CREB1: variants seen among roughly 807,000 people sequenced by gnomAD.
CREB1 encodes the protein cyclic AMP-responsive element-binding protein 1.
A neutral mutation model predicts 42.0 loss-of-function variants in CREB1; 2 were observed. The ratio of observed to expected loss-of-function variants is 0.05; its 90% CI spans 0.02 to 0.15. The LOEUF is 0.15. Among genes scored for constraint, CREB1 ranks in the 10% least tolerant of loss-of-function variants. The pLI, the probability that CREB1 is intolerant of heterozygous loss-of-function variation, is 1.00. For synonymous variants in CREB1, 123 were observed against 139.9 expected, an observed-to-expected ratio of 0.88 and a Z score of 0.85; for missense variants, 199 against 388.9, an observed-to-expected ratio of 0.51 and a Z score of 4.11.
intron 1 of CREB1, among the ~76,000 whole-genome samples, chr2:207,553,737 G>A (rs747889123): frequency 1.3e-5 from 2 of 152,046 alleles, no homozygotes; most frequent in South Asian, 2.1e-4. Context: ...CCATTCTCAT[G>A]GGAAGAAAGA....
chr2:207,599,695 CT>C lies in CREB1; in HGVS notation c.*2644del. 5.1e-6 allele frequency: 1 copy of C among 195,902 alleles called. No individual in the cohort carries two copies. Among genetic ancestry groups the C allele is most frequent in the Non-Finnish European group, 1.1e-5 (1 of 94,300 alleles). 12.1% of individuals were successfully genotyped at this position (195,902 alleles called of 1,614,324 possible). ...AATCAAGCATCTTTTGTGCAGTTTT[CT>C]TTTTTTAATGCAAGAATGGTGGGGA... On this transcript the variant is annotated 3_prime_UTR_variant, in exon 8 of 8. Coordinates refer to ENST00000353267, the MANE Select transcript of CREB1 (RefSeq NM_004379.5).
At chr2:207,585,089 C>T (rs1343565987) in intron 7 of CREB1, among the ~76,000 whole-genome samples, 2 of 152,058 alleles carry the variant, frequency 1.3e-5, no homozygotes, top group Admixed American at 1.3e-4. Flanking sequence ...TGGTCCTGCC[C>T]ACCAGCACCC....
chr2:207,582,556 T>G (rs1451997965), intron 7 of CREB1, among the ~76,000 whole-genome samples: 1 of 152,216 alleles, frequency 6.6e-6, no homozygotes, highest in Non-Finnish European at 1.5e-5. Flanking sequence ...TGTGTCCTTT[T>G]GACATGCCCC....
chr2:207,558,544 C>T (rs1047324520), intron 2 of CREB1, among the ~76,000 whole-genome samples: 3 of 152,086 alleles, frequency 2.0e-5, no homozygotes, highest in African/African-American at 7.2e-5. Context: ...TTTTGGCCTT[C>T]ATCATCTTTC....
At chr2:207,560,101 A>G (rs940300992) in intron 2 of CREB1, 125 bp from the exon 3 acceptor site, 4 of 751,414 alleles carry the variant, frequency 5.3e-6, no homozygotes, top group Non-Finnish European at 6.1e-6. Flanking sequence ...TTACTTTCAT[A>G]TCAGTGAAAT....
intron 3 of CREB1, among the ~76,000 whole-genome samples, chr2:207,563,051 C>T (rs928715506): frequency 3.3e-5 from 5 of 152,142 alleles, no homozygotes; most frequent in East Asian, 1.9e-4. Flanking sequence ...TGAATAAAGC[C>T]AGGGGAAAGG....
At chr2:207,573,026 C>T (rs1238768077) in intron 5 of CREB1, among the ~76,000 whole-genome samples, 1 of 152,082 alleles carries the variant, frequency 6.6e-6, no homozygotes, top group Non-Finnish European at 1.5e-5. Context: ...GTGTATCTGT[C>T]ATTTTGAACT....
At chr2:207,576,241 C>CTTTTTTTTTTTTTTTTTTGTTTTTTT (rs35735523) in intron 6 of CREB1, among the ~76,000 whole-genome samples, 2 of 101,068 alleles carry the variant, frequency 2.0e-5, no homozygotes, top group Non-Finnish European at 1.9e-5. Flanking sequence ...CTTTTTTTGG[C>CTTTTTTTTTTTTTTTTTTGTTTTTTT]TTTTTTTTTT....
chr2:207,560,210 G>T lies in CREB1; in HGVS notation c.115-16G>T. 1.3e-6 allele frequency: 2 copies of T among 1,556,144 alleles called. No individual in the cohort carries two copies. Among genetic ancestry groups the T allele is most frequent in the South Asian group, 1.2e-5 (1 of 84,360 alleles). On this transcript the variant is annotated splice_polypyrimidine_tract_variant and intron_variant, in intron 2 of 7. Coordinates refer to ENST00000353267, the MANE Select transcript of CREB1 (RefSeq NM_004379.5). ...GTGTCTGGGATGATAATTCTTTTCTGTGTTCAACACCATAGGTATCTATGC... is the reference window on the plus strand; with the variant it reads ...GTGTCTGGGATGATAATTCTTTTCTTTGTTCAACACCATAGGTATCTATGC...
chr2:207,566,298 T>C (rs1315454502), intron 3 of CREB1, among the ~76,000 whole-genome samples: 2 of 152,200 alleles, frequency 1.3e-5, no homozygotes, highest in Non-Finnish European at 2.9e-5. Flanking sequence ...TGAATATGTT[T>C]TCTTACTGCC....
intron 1 of CREB1, among the ~76,000 whole-genome samples, chr2:207,555,126 T>G (rs116010596): frequency 6.6e-6 from 1 of 152,168 alleles, no homozygotes; most frequent in Admixed American, 6.5e-5. Flanking sequence ...CCACTAGTAA[T>G]CACTTTTAGA....
intron 1 of CREB1, among the ~76,000 whole-genome samples, chr2:207,543,892 C>T (rs972227338): frequency 2.0e-5 from 3 of 151,980 alleles, no homozygotes; most frequent in Non-Finnish European, 1.5e-5. Flanking sequence ...GCGTGAGCCA[C>T]GGCGCCCAGC....
At chr2:207,534,729 G>T (rs1332605020) in intron 1 of CREB1, 1 of 152,172 alleles carries the variant, frequency 6.6e-6, no homozygotes, top group Non-Finnish European at 1.5e-5. Context: ...TTTTGAATAA[G>T]TAATTCATTC....
chr2:207,558,714 G>A (rs1417352098), intron 2 of CREB1, among the ~76,000 whole-genome samples: 4 of 149,112 alleles, frequency 2.7e-5, no homozygotes, highest in African/African-American at 7.4e-5. Context: ...GCGCGATCTC[G>A]GCTCACTGCA....
At position 207,575,364 on chromosome 2, in the gene CREB1, G is replaced by A; in HGVS notation, c.598G>A (p.Ala200Thr). Residue 200 changes from alanine to threonine, a missense_variant, in exon 6 of 8, where the codon GCC becomes ACC. Ala to Thr is a moderately conservative substitution (Grantham distance 58). Around this residue, in one of 4 missense-constraint regions of CREB1, gnomAD observed 66 missense variants for 88.1 expected, o/e 0.75. Transcript: ENST00000353267. The stretch of plus-strand genomic sequence containing the variant: ...AACATTAACCATGACCAATGCAGCA[G>A]CCACTCAGCCGGGTACTACCATTCT... ...LQTLTMTNAA[A>T]TQPGTTILQY... The A allele has an allele frequency of 6.2e-7, 1 of 1,614,168 alleles. No individual in the cohort carries two copies. Among genetic ancestry groups the A allele is most frequent in the Non-Finnish European group, 8.5e-7 (1 of 1,180,018 alleles).
rs556965395 is a variant in CREB1 at position 207,547,680 on chromosome 2, G to A, written c.-8-7948G>A. Among the ~76,000 whole-genome samples the A allele has an allele frequency of 3.1e-3, 476 of 152,020 alleles. 6 individuals carry two copies. Among genetic ancestry groups the A allele is most frequent in the South Asian group, 2.7e-3 (13 of 4,814 alleles). ...ATATTATCTAAAATATTGCATAGTC[G>A]TGGCTGCTGCTTTGCTAAGCAACAC... On this transcript the variant is annotated intron_variant, in intron 1 of 7. Coordinates refer to ENST00000353267, the MANE Select transcript of CREB1 (RefSeq NM_004379.5).
intron 1 of CREB1, among the ~76,000 whole-genome samples, chr2:207,536,425 G>GTT (rs2080872405): frequency 3.3e-5 from 5 of 151,428 alleles, no homozygotes; most frequent in African/African-American, 7.3e-5. Context: ...CATGGGGGCA[G>GTT]GCGCCTGCAA....
At chr2:207,593,525 A>G (rs2085486157) in intron 7 of CREB1, among the ~76,000 whole-genome samples, 1 of 152,154 alleles carries the variant, frequency 6.6e-6, no homozygotes, top group Non-Finnish European at 1.5e-5. Context: ...GCAAGACCCC[A>G]TCTCAAAAAT....
rs528084100 is a variant in CREB1 at position 207,569,967 on chromosome 2, G to A, written c.363-212G>A. Among the ~76,000 whole-genome samples the A allele has an allele frequency of 1.1e-4, 17 of 150,748 alleles. No individual in the cohort carries two copies. The South Asian group carries it at 2.7e-3, about 24-fold the overall frequency. ...GGCTGTTGCAGAATTGCTTGAACCC[G>A]GGAGGCGGAGGTTGCAGTGAACCAA... On this transcript the variant is annotated intron_variant, in intron 4 of 7. Transcript: ENST00000353267.
Sources: gnomAD v4.1 joint callset for allele counts (sites outside exome capture counted in the v4.1 genomes callset) on GRCh38, gnomAD v4.1.1 for gene constraint, gnomAD v4.1.1 regional missense constraint, MANE v1.5 for transcripts, NCBI Gene and HGNC (gene_info 2026-07-23, HGNC 2026-07-21) for gene names.